The following LRP1B variants were observed in gnomAD, a reference collection of about 807,000 sequenced individuals.
The protein encoded by LRP1B is LDL receptor related protein 1B.
A neutral mutation model predicts 556.6 loss-of-function variants in LRP1B; 217 were observed. The observed-to-expected ratio is 0.39, with a 90% CI of 0.35 to 0.44. The LOEUF (loss-of-function observed/expected upper bound fraction) is 0.44. LRP1B is among the 20% of genes least tolerant of loss of function. The probability of loss-of-function intolerance (pLI) is 1.00; values close to 1 mark genes in which losing one functional copy is unlikely to be tolerated. For synonymous variants in LRP1B, 2,047 were observed against 1,865.8 expected, an observed-to-expected ratio of 1.10 and a Z score of -2.50; for missense variants, 5,053 against 5,620.8, an observed-to-expected ratio of 0.90 and a Z score of 3.23.
chr2:140,307,037 T>G (rs895819620), intron 83 of LRP1B, among the ~76,000 whole-genome samples: 1 of 152,038 alleles, frequency 6.6e-6, no homozygotes, highest in Non-Finnish European at 1.5e-5. Context: ...AAATTTCACT[T>G]ATATCACATG....
rs113916194 is a variant in LRP1B at position 141,992,266 on chromosome 2, C to A, written c.82+138382G>T. 1.1e-4 allele frequency among the ~76,000 whole-genome samples: 17 copies of A among 152,176 alleles called. 1 individual carries two copies. The highest frequency in any genetic ancestry group is 9.7e-4 in the East Asian group (5 of 5,178). On this transcript the variant is annotated intron_variant, in intron 1 of 90. Coordinates refer to ENST00000389484, the MANE Select transcript of LRP1B (RefSeq NM_018557.3). Reference sequence around the variant, plus strand: ...TACGCATTTCTTTTAATAGATTTAGCCTCTCATAATGGATGATTTTAAGGG... The same window carrying A: ...TACGCATTTCTTTTAATAGATTTAGACTCTCATAATGGATGATTTTAAGGG...
intron 35 of LRP1B, among the ~76,000 whole-genome samples, chr2:140,718,865 CTTTT>C (rs1036845756): frequency 6.8e-6 from 1 of 146,736 alleles, no homozygotes; most frequent in African/African-American, 2.5e-5. Flanking sequence ...ATTTTTTTTT[CTTTT>C]TGTCTTGAAC....
intron 7 of LRP1B, among the ~76,000 whole-genome samples, chr2:141,093,167 C>T (rs1309147418): frequency 1.3e-5 from 2 of 151,344 alleles, no homozygotes; most frequent in Non-Finnish European, 2.9e-5. Context: ...TTTTAAGTAG[C>T]CAGAGAGAGT....
At chr2:141,251,330 A>G (rs1684252498) in intron 4 of LRP1B, among the ~76,000 whole-genome samples, 1 of 152,182 alleles carries the variant, frequency 6.6e-6, no homozygotes, top group South Asian at 2.1e-4. Flanking sequence ...ATGAGAAACC[A>G]GATAGCAGTA....
intron 3 of LRP1B, among the ~76,000 whole-genome samples, chr2:141,362,974 A>G (rs780900138): frequency 6.6e-6 from 1 of 152,116 alleles, no homozygotes; most frequent in African/African-American, 2.4e-5. Flanking sequence ...TTCCTATATC[A>G]CAACATTGAT....
chr2:141,678,481 G>C (rs555441114), intron 2 of LRP1B, among the ~76,000 whole-genome samples: 1 of 152,092 alleles, frequency 6.6e-6, no homozygotes, highest in East Asian at 1.9e-4. Flanking sequence ...AATTAAGATG[G>C]GCTCGAAAAG....
intron 41 of LRP1B, among the ~76,000 whole-genome samples, chr2:140,694,276 T>A (rs764917115): frequency 5.3e-5 from 8 of 152,108 alleles, no homozygotes; most frequent in Non-Finnish European, 1.0e-4. Context: ...TTACTTTATA[T>A]TTTTTTAATT....
At position 141,184,065 on chromosome 2, in the gene LRP1B, C is replaced by A. The variant is rs138145044; in HGVS notation, c.1013+4356G>T. ...AATTGTAGACTAGCTCCACCCCTGA[C>A]CTCAGTTACAATCCTCATTAGACCC... On this transcript the variant is annotated intron_variant, in intron 7 of 90. Coordinates refer to ENST00000389484, the MANE Select transcript of LRP1B (RefSeq NM_018557.3). 1.8e-3 allele frequency among the ~76,000 whole-genome samples: 279 copies of A among 152,114 alleles called. 6 individuals carry two copies. The highest frequency in any genetic ancestry group is 0.016 in the Admixed American group (239 of 15,254).
intron 7 of LRP1B, among the ~76,000 whole-genome samples, chr2:141,118,065 A>T (rs189216662): frequency 1.3e-5 from 2 of 152,080 alleles, no homozygotes; most frequent in Non-Finnish European, 2.9e-5. Flanking sequence ...CTTGATTAAA[A>T]CTTTGTACCA....
intron 1 of LRP1B, among the ~76,000 whole-genome samples, chr2:142,100,873 C>T (rs1574684910): frequency 6.6e-6 from 1 of 151,850 alleles, no homozygotes; most frequent in Admixed American, 6.6e-5. Context: ...TCCCCACACA[C>T]GTTTCCCCTT....
chr2:141,451,071 T>C (rs1459710325), intron 3 of LRP1B, among the ~76,000 whole-genome samples: 2 of 152,202 alleles, frequency 1.3e-5, no homozygotes, highest in Non-Finnish European at 2.9e-5. Context: ...GGAATGAGCA[T>C]CTTCCAAGTC....
At chr2:140,715,587 C>T (rs1211606054) in intron 37 of LRP1B, among the ~76,000 whole-genome samples, 1 of 151,896 alleles carries the variant, frequency 6.6e-6, no homozygotes. Flanking sequence ...TGTTTGACAA[C>T]CACAGACACA....
At chr2:141,860,727 T>C (rs1026365943) in intron 1 of LRP1B, among the ~76,000 whole-genome samples, 2 of 152,170 alleles carry the variant, frequency 1.3e-5, no homozygotes, top group Non-Finnish European at 2.9e-5. Context: ...TGCATGGTAA[T>C]ATATCAACTT....
At chr2:140,324,953 T>G (rs1032326785) in intron 80 of LRP1B, among the ~76,000 whole-genome samples, 8 of 151,786 alleles carry the variant, frequency 5.3e-5, no homozygotes, top group Non-Finnish European at 1.2e-4. Context: ...AAAATTTGAT[T>G]TAGTTGTTTT....
chr2:140,683,698 G>T, intron 41 of LRP1B: 1 of 720,804 alleles, frequency 1.4e-6, no homozygotes, highest in Non-Finnish European at 2.5e-6. Flanking sequence ...ACTCCGGGCT[G>T]GACTGTCATT....
chr2:141,434,611 G>C (rs201390284), intron 3 of LRP1B, among the ~76,000 whole-genome samples: 2 of 151,936 alleles, frequency 1.3e-5, no homozygotes, highest in African/African-American at 2.4e-5. Context: ...AGTTTTTGTT[G>C]CCTGATAATT....
In LRP1B at chr2:140,601,620, T is replaced by G. The variant is rs757598608; in HGVS notation, c.6819A>C (p.Gly2273=). The change falls in exon 42 of 91, where the codon GGA becomes GGC. Residue 2273 remains glycine, a synonymous_variant. Transcript: ENST00000389484. The part of the protein sequence containing the change: ...VIVENVGSVE[G]LAYHRAWDTL... ...TATCCCAGGCTCTGTGATAGGCAAG[T>G]CCTTCCACAGAACCCACATCTAGTG... The G allele has an allele frequency of 2.4e-5, 39 of 1,592,766 alleles. No individual in the cohort carries two copies. The highest frequency in any genetic ancestry group is 3.1e-5 in the Non-Finnish European group (36 of 1,167,242).
chr2:140,700,703 T>G (rs1302513914), intron 40 of LRP1B, 82 bp from the exon 41 acceptor site: 3 of 1,423,254 alleles, frequency 2.1e-6, no homozygotes, highest in East Asian at 4.6e-5. Flanking sequence ...TAAAGAAATA[T>G]TAAAACTTTG....
intron 60 of LRP1B, among the ~76,000 whole-genome samples, chr2:140,463,335 T>C (rs1394506127): frequency 6.6e-6 from 1 of 152,180 alleles, no homozygotes; most frequent in Non-Finnish European, 1.5e-5. Flanking sequence ...TTATATAACC[T>C]TAGGGCCAAG....
Sources: gnomAD v4.1 joint callset for allele counts (sites outside exome capture counted in the v4.1 genomes callset) on GRCh38, gnomAD v4.1.1 for gene constraint, MANE v1.5 for transcripts, NCBI Gene and HGNC (gene_info 2026-07-23, HGNC 2026-07-21) for gene names.